Variants in GAS7 observed in about 807,000 individuals in gnomAD.
GAS7 encodes the protein growth arrest specific 7.
GAS7 carries 28 observed loss-of-function variants against 71.1 expected under a neutral mutation model. That is an observed-to-expected ratio of 0.39 (90% confidence interval 0.29 to 0.54). GAS7 has a LOEUF of 0.54. Among genes scored for constraint, GAS7 ranks in the 20% least tolerant of loss-of-function variants. The pLI is 0.62. For synonymous variants in GAS7, 258 were observed against 245.8 expected (o/e 1.05, Z -0.46); for missense variants, 436 against 627.8 (o/e 0.69, Z 3.27).
chr17:10,120,052 G>A (rs2073892466), intron 1 of GAS7, among the ~76,000 whole-genome samples: 1 of 152,210 alleles, frequency 6.6e-6, no homozygotes, highest in South Asian at 2.1e-4. Flanking sequence ...AGAGCACCAA[G>A]GGTTTTCCTG....
intron 1 of GAS7, among the ~76,000 whole-genome samples, chr17:10,164,868 G>T (rs1323586554): frequency 8.8e-6 from 1 of 113,598 alleles, no homozygotes; most frequent in African/African-American, 3.1e-5. Context: ...AAAAAAAAAG[G>T]CTGGGCGCAG....
chr17:10,087,240 C>T (rs563711400), intron 1 of GAS7, among the ~76,000 whole-genome samples: 1 of 152,288 alleles, frequency 6.6e-6, no homozygotes, highest in East Asian at 1.9e-4. Flanking sequence ...GTTCAGCTAC[C>T]CCCACTTCTG....
chr17:10,037,785 A>G (rs774903184), intron 1 of GAS7, among the ~76,000 whole-genome samples: 1 of 152,140 alleles, frequency 6.6e-6, no homozygotes, highest in African/African-American at 2.4e-5. Flanking sequence ...GGACGAAGTA[A>G]ATGCTCAATG....
At chr17:9,925,101 TCTGAACAGGGACAGGGCC>T (rs2067948658) in intron 11 of GAS7, among the ~76,000 whole-genome samples, 1 of 152,178 alleles carries the variant, frequency 6.6e-6, no homozygotes, top group Admixed American at 6.5e-5. Context: ...TTCTGTGGGC[TCTGAACAGGGACAGGGCC>T]CTGAGCTCTC....
At chr17:10,073,061 C>G (rs2073357749) in intron 1 of GAS7, among the ~76,000 whole-genome samples, 1 of 152,132 alleles carries the variant, frequency 6.6e-6, no homozygotes, top group African/African-American at 2.4e-5. Context: ...AGAGTGACAG[C>G]AAGGCAAAGG....
At chr17:10,134,864 C>T (rs992675847) in intron 1 of GAS7, among the ~76,000 whole-genome samples, 3 of 151,038 alleles carry the variant, frequency 2.0e-5, no homozygotes, top group African/African-American at 7.3e-5. Context: ...GACAGTCTCT[C>T]GCCCTATCGC....
In GAS7 at chr17:9,919,537, C is replaced by G. The variant is rs1691310783; in HGVS notation, c.1218+89G>C. 9.8e-6 allele frequency: 9 copies of G among 921,834 alleles called. No individual in the cohort carries two copies. The highest frequency in any genetic ancestry group is 1.6e-5 in the Non-Finnish European group (9 of 548,988). The allele number at this position is 921,834 out of a possible 1,614,324, so 57.1% of individuals were successfully genotyped here. A position where few individuals can be genotyped will look rare whatever the true frequency, so the allele number is the denominator to read the frequency against. On this transcript the variant is annotated intron_variant, in intron 12 of 13. Transcript: ENST00000432992. This position sits in a 1 kb window ranked among gnomAD's most constrained non-coding sequence, Gnocchi z 5.0. The stretch of plus-strand genomic sequence containing the variant: ...ATGACCATCTCCAGGGTCACTCCAC[C>G]CCATCATCCCCGCGCCCACCAACAA...
Position 10,074,151 on chromosome 17 carries a change from G to A in GAS7, c.184-54254C>T, listed in dbSNP as rs185924726. Among the ~76,000 whole-genome samples the A allele has an allele frequency of 1.1e-3, 165 of 152,294 alleles. 1 individual carries two copies. Among genetic ancestry groups the A allele is most frequent in the African/African-American group, 3.4e-3 (141 of 41,568 alleles). On this transcript the variant is annotated intron_variant, in intron 1 of 13. Transcript: ENST00000432992. ...AGCAGGTGCTGAGAAAGGAGTGGGC[G>A]TCCAGAAAGTTCCTGGGAGGGGGGT...
rs2069889508 is a variant in GAS7 at position 9,969,922 on chromosome 17, G to A, written c.386-160C>T. The stretch of plus-strand genomic sequence containing the variant: ...GGATCTGATCTTATCTGTATCTGCA[G>A]AGCTGGAAATGGGTTGAAGGCATCT... On this transcript the variant is annotated intron_variant, in intron 3 of 13. Transcript: ENST00000432992. This position sits in a 1 kb window ranked among gnomAD's most constrained non-coding sequence, Gnocchi z 5.5. Among the ~76,000 whole-genome samples the A allele has an allele frequency of 1.3e-5, 2 of 152,244 alleles. No individual in the cohort carries two copies.
At chr17:10,183,918 C>T (rs564348955) in intron 1 of GAS7, among the ~76,000 whole-genome samples, 1 of 152,220 alleles carries the variant, frequency 6.6e-6, no homozygotes, top group South Asian at 2.1e-4. Flanking sequence ...GATTTGTACG[C>T]AGACCTGCCA....
rs370168808 is a variant in GAS7, at chr17:9,937,951, G to A, written c.806+2175C>T. On this transcript the variant is annotated intron_variant, in intron 8 of 13. Coordinates refer to ENST00000432992, the MANE Select transcript of GAS7 (RefSeq NM_201433.2). Reference sequence around the variant, plus strand: ...TTCATATAACATAAAATTAACCGTTGAAAAGTGATCGATCCAGGCGCATTT... The same window carrying A: ...TTCATATAACATAAAATTAACCGTTAAAAAGTGATCGATCCAGGCGCATTT... Among the ~76,000 whole-genome samples, 115 of 152,232 alleles carry A rather than the reference G, an allele frequency of 7.6e-4. 1 individual carries two copies. The highest frequency in any genetic ancestry group is 2.7e-3 in the African/African-American group (112 of 41,544).
At position 10,054,345 on chromosome 17, in the gene GAS7, T is replaced by G. The variant is rs986207368; in HGVS notation, c.184-34448A>C. ...AGAGATGGGTGGAGACTGCGCAAAT[T>G]GGAAACCCACTACTTATCATCAGCA... On this transcript the variant is annotated intron_variant, in intron 1 of 13. Coordinates refer to ENST00000432992, the MANE Select transcript of GAS7 (RefSeq NM_201433.2). 2.0e-5 allele frequency among the ~76,000 whole-genome samples: 3 copies of G among 152,072 alleles called. No individual in the cohort carries two copies. In the South Asian group the frequency reaches 6.2e-4, roughly 32 times the overall value.
At chr17:9,964,730 C>T (rs1360591551) in intron 4 of GAS7, among the ~76,000 whole-genome samples, 4 of 152,176 alleles carry the variant, frequency 2.6e-5, no homozygotes, top group African/African-American at 9.7e-5. Flanking sequence ...GCTGAAATTG[C>T]ACCATTATTT....
At chr17:9,986,236 C>T (rs550504548) in intron 2 of GAS7, among the ~76,000 whole-genome samples, 2 of 152,172 alleles carry the variant, frequency 1.3e-5, no homozygotes, top group Non-Finnish European at 2.9e-5. Flanking sequence ...AGAAAACTTT[C>T]CCTTTGTGCT....
chr17:9,916,165 C>T lies in GAS7; in HGVS notation c.*1063G>A, dbSNP rs1302798159. On this transcript the variant is annotated 3_prime_UTR_variant, in exon 14 of 14. Transcript: ENST00000432992. Reference sequence around the variant, plus strand: ...CAAGGGACAGCAGTCCCAGCCCTGCCATACACAAGAAGACAGAGCCATCTG... The same window carrying T: ...CAAGGGACAGCAGTCCCAGCCCTGCTATACACAAGAAGACAGAGCCATCTG... 2 of 233,044 alleles carry T rather than the reference C, an allele frequency of 8.6e-6. No homozygotes were observed. Among genetic ancestry groups the T allele is most frequent in the African/African-American group, 4.4e-5 (2 of 45,334 alleles). 14.4% of individuals were successfully genotyped at this position (233,044 alleles called of 1,614,324 possible).
At chr17:10,143,114 G>A (rs897626917) in intron 1 of GAS7, among the ~76,000 whole-genome samples, 3 of 152,256 alleles carry the variant, frequency 2.0e-5, no homozygotes, top group East Asian at 3.9e-4. Flanking sequence ...CCCGGGACTC[G>A]GAGGTTTCAG....
chr17:10,151,954 A>G (rs1175081360), intron 1 of GAS7, among the ~76,000 whole-genome samples: 1 of 152,240 alleles, frequency 6.6e-6, no homozygotes, highest in Non-Finnish European at 1.5e-5. Context: ...TGGAAGGAAA[A>G]GAGAGCCAGG....
At chr17:10,016,803 A>C (rs2072042251) in intron 2 of GAS7, among the ~76,000 whole-genome samples, 1 of 149,006 alleles carries the variant, frequency 6.7e-6, no homozygotes, top group African/African-American at 2.4e-5. Context: ...TAATACAAAA[A>C]GCCAGGTGTG....
At chr17:10,011,748 G>A (rs987537614) in intron 2 of GAS7, among the ~76,000 whole-genome samples, 2 of 152,110 alleles carry the variant, frequency 1.3e-5, no homozygotes, top group Admixed American at 6.5e-5. Context: ...AGGCCGAGGC[G>A]GGTGGATCAC....
Sources: allele counts gnomAD v4.1 joint callset (sites outside exome capture counted in the v4.1 genomes callset), GRCh38; gene constraint gnomAD v4.1.1; non-coding constraint Gnocchi (gnomAD v3.1); transcripts MANE v1.5; gene names NCBI Gene and HGNC (gene_info 2026-07-23, HGNC 2026-07-21).